The following KCNMA1 variants were observed in gnomAD, a reference collection of about 807,000 sequenced individuals.
The protein encoded by KCNMA1 is potassium calcium-activated channel subfamily M alpha 1.
In KCNMA1, 29 loss-of-function variants were observed where a neutral mutation model predicts 140.0. The observed-to-expected ratio is 0.21, with a 90% CI of 0.15 to 0.28. The LOEUF is 0.28. KCNMA1 is among the 10% of genes least tolerant of loss of function. The pLI, the probability that KCNMA1 is intolerant of heterozygous loss-of-function variation, is 1.00. For missense variants in KCNMA1, 880 were observed against 1,602.2 expected, an observed-to-expected ratio of 0.55 and a Z score of 7.70; for synonymous variants, 612 against 611.9, an observed-to-expected ratio of 1.00 and a Z score of 0.00.
chr10:77,526,006 G>C (rs942085545), intron 1 of KCNMA1, among the ~76,000 whole-genome samples: 8 of 152,158 alleles, frequency 5.3e-5, no homozygotes, highest in African/African-American at 1.9e-4. Context: ...TTTGGAGAAA[G>C]ATTTTCTCTA....
At chr10:77,140,686 T>A (rs1303765196) in intron 5 of KCNMA1, 1 of 152,066 alleles carries the variant, frequency 6.6e-6, no homozygotes, top group Non-Finnish European at 1.5e-5. Flanking sequence ...ATAGACACTC[T>A]CTCCTCCCTC....
chr10:77,166,453 A>T (rs569084596), intron 5 of KCNMA1, among the ~76,000 whole-genome samples: 115 of 152,218 alleles, frequency 7.6e-4, no homozygotes, highest in African/African-American at 2.7e-3. Context: ...ATTTCCTCCA[A>T]AACACCAGAG....
rs183612027 is a variant in KCNMA1 at position 77,275,375 on chromosome 10, G to A, written c.541-24119C>T. ...AGCCAAAAGAACAGAACACCAAGAG[G>A]GGTTCCAAAGATTGGGTTCAAAAAA... On this transcript the variant is annotated intron_variant, in intron 2 of 27. Coordinates refer to ENST00000286628, the MANE Select transcript of KCNMA1 (RefSeq NM_001161352.2). Among the ~76,000 whole-genome samples, 3 of 152,232 alleles carry A rather than the reference G, an allele frequency of 2.0e-5. No homozygotes were observed. In the East Asian group the frequency reaches 5.8e-4, roughly 29 times the overall value.
intron 18 of KCNMA1, among the ~76,000 whole-genome samples, chr10:77,006,039 C>G (rs1420522119): frequency 6.6e-6 from 1 of 152,216 alleles, no homozygotes; most frequent in African/African-American, 2.4e-5. Context: ...TCTCTGCTGG[C>G]TGGCCTTTCT....
chr10:77,395,809 G>C lies in KCNMA1; in HGVS notation c.540+8053C>G, dbSNP rs555255119. Among the ~76,000 whole-genome samples, 3 of 152,270 alleles carry C rather than the reference G, an allele frequency of 2.0e-5. No homozygotes were observed. The South Asian group carries it at 6.2e-4, about 32-fold the overall frequency. ...GCTCTTTGAATATTTCTAGTAACAGGCAGCTCACTACCTGTCGGGGGAGAC... is the reference window on the plus strand; with the variant it reads ...GCTCTTTGAATATTTCTAGTAACAGCCAGCTCACTACCTGTCGGGGGAGAC... On this transcript the variant is annotated intron_variant, in intron 2 of 27. Coordinates refer to ENST00000286628, the MANE Select transcript of KCNMA1 (RefSeq NM_001161352.2).
At chr10:77,109,714 G>C (rs755453809) in intron 8 of KCNMA1, among the ~76,000 whole-genome samples, 62 of 152,052 alleles carry the variant, frequency 4.1e-4, no homozygotes, top group Non-Finnish European at 6.6e-4. Flanking sequence ...CTTTAGGGCA[G>C]GCCCCAGCCA....
chr10:77,207,896 A>G (rs951061929), intron 3 of KCNMA1, among the ~76,000 whole-genome samples: 2 of 152,224 alleles, frequency 1.3e-5, no homozygotes, highest in African/African-American at 2.4e-5. Flanking sequence ...CTTTGCATTG[A>G]CATTTCTGTT....
At chr10:77,414,765 C>T (rs2096701657) in intron 1 of KCNMA1, among the ~76,000 whole-genome samples, 1 of 152,142 alleles carries the variant, frequency 6.6e-6, no homozygotes, top group Non-Finnish European at 1.5e-5. Context: ...GCTGGGATTA[C>T]AGGCGTGAGC....
exon 28 of KCNMA1, chr10:76,871,986 A>G (rs1005639296): frequency 2.0e-5 from 3 of 152,110 alleles, no homozygotes; most frequent in African/African-American, 7.2e-5. Context: ...TATGAGTGCT[A>G]ATTGGTTTCT....
At chr10:77,289,121 C>G (rs945740550) in intron 2 of KCNMA1, among the ~76,000 whole-genome samples, 3 of 152,168 alleles carry the variant, frequency 2.0e-5, no homozygotes, top group Non-Finnish European at 4.4e-5. Flanking sequence ...TCCTCCAGCT[C>G]CCCAGGAAGT....
At chr10:77,598,737 C>T (rs1465257062) in intron 1 of KCNMA1, among the ~76,000 whole-genome samples, 1 of 152,188 alleles carries the variant, frequency 6.6e-6, no homozygotes, top group Non-Finnish European at 1.5e-5. Context: ...GCTCTCTCCT[C>T]CCTCAGAAGA....
intron 1 of KCNMA1, among the ~76,000 whole-genome samples, chr10:77,519,300 C>A (rs528350658): frequency 4.6e-5 from 7 of 152,260 alleles, no homozygotes; most frequent in Admixed American, 1.3e-4. Flanking sequence ...CCTCCATTGG[C>A]AGCTGGTGAT....
At chr10:77,288,900 C>T (rs2072076272) in intron 2 of KCNMA1, among the ~76,000 whole-genome samples, 1 of 152,164 alleles carries the variant, frequency 6.6e-6, no homozygotes, top group South Asian at 2.1e-4. Flanking sequence ...GAACACCATC[C>T]ACAAGGCCAG....
chr10:77,186,371 CA>C lies in KCNMA1; in HGVS notation c.603-1456del, dbSNP rs528329118. ...CACTGAAAAACAGTTCAAAAAAAAA[CA>C]AAAAACAAAAAAAAACGACAATTGC... On this transcript the variant is annotated intron_variant, in intron 3 of 27. Transcript: ENST00000286628. Among the ~76,000 whole-genome samples the C allele has an allele frequency of 4.4e-5, 6 of 136,314 alleles. No homozygotes were observed. The South Asian group carries it at 1.3e-3, about 28-fold the overall frequency. 89.4% of individuals were successfully genotyped at this position (136,314 alleles called of 152,430 possible).
intron 1 of KCNMA1, among the ~76,000 whole-genome samples, chr10:77,442,260 C>A (rs1352252078): frequency 6.6e-6 from 1 of 152,176 alleles, no homozygotes; most frequent in Non-Finnish European, 1.5e-5. Context: ...GAATGGACTC[C>A]TCTGGATCCA....
At chr10:77,580,079 G>A (rs1431852796) in intron 1 of KCNMA1, among the ~76,000 whole-genome samples, 2 of 152,064 alleles carry the variant, frequency 1.3e-5, no homozygotes, top group Admixed American at 1.3e-4. Context: ...TAAGATTATA[G>A]TATATATATA....
At chr10:77,616,791 G>A (rs1408614586) in intron 1 of KCNMA1, among the ~76,000 whole-genome samples, 2 of 151,468 alleles carry the variant, frequency 1.3e-5, no homozygotes, top group Non-Finnish European at 2.9e-5. Context: ...GGGCACGAGA[G>A]TGAAGCTCCA....
downstream of KCNMA1, chr10:76,873,695 G>T (rs975534743): frequency 6.6e-6 from 1 of 152,112 alleles, no homozygotes; most frequent in Non-Finnish European, 1.5e-5. Context: ...AGTCAAGCCG[G>T]CTCACATCTC....
chr10:77,137,991 C>A (rs146216226), intron 5 of KCNMA1, among the ~76,000 whole-genome samples: 1 of 152,162 alleles, frequency 6.6e-6, no homozygotes, highest in African/African-American at 2.4e-5. Flanking sequence ...GGCTCCCTAC[C>A]TTAACCCAGT....
Sources: gnomAD v4.1 joint callset for allele counts (sites outside exome capture counted in the v4.1 genomes callset) on GRCh38, gnomAD v4.1.1 for gene constraint, MANE v1.5 for transcripts, NCBI Gene and HGNC (gene_info 2026-07-23, HGNC 2026-07-21) for gene names.